Variants in SYNPO2 observed in about 807,000 individuals in gnomAD.
SYNPO2 encodes synaptopodin-2.
SYNPO2 carries 56 observed loss-of-function variants against 85.0 expected under a neutral mutation model. The ratio of observed to expected loss-of-function variants is 0.66; its 90% CI spans 0.53 to 0.82. The LOEUF (loss-of-function observed/expected upper bound fraction) is 0.82, where lower values mean the gene tolerates loss of function less well. SYNPO2 is among the 40% of genes least tolerant of loss of function. The pLI is 0.00. For synonymous variants in SYNPO2, 602 were observed against 591.1 expected (o/e 1.02, Z -0.27); for missense variants, 1,575 against 1,534.2 (o/e 1.03, Z -0.44).
intron 1 of SYNPO2, among the ~76,000 whole-genome samples, chr4:118,892,298 TAA>T (rs1288672803): frequency 2.0e-5 from 3 of 152,174 alleles, no homozygotes; most frequent in Non-Finnish European, 4.4e-5. Context: ...ATCAGTAACA[TAA>T]GCTTGTTTTT....
intron 1 of SYNPO2, among the ~76,000 whole-genome samples, chr4:118,878,886 T>C (rs1259986523): frequency 1.3e-5 from 2 of 152,226 alleles, no homozygotes; most frequent in Non-Finnish European, 2.9e-5. Flanking sequence ...GTCTTGTGGA[T>C]GTTTTGTTCT....
At chr4:118,977,651 TCTC>T (rs1288311576) in intron 1 of SYNPO2, among the ~76,000 whole-genome samples, 2 of 152,156 alleles carry the variant, frequency 1.3e-5, no homozygotes, top group Non-Finnish European at 2.9e-5. Context: ...ATCCAGCCAT[TCTC>T]CTGATGGCAG....
chr4:118,891,160 C>A (rs1732367413), intron 1 of SYNPO2, among the ~76,000 whole-genome samples: 2 of 152,100 alleles, frequency 1.3e-5, no homozygotes, highest in South Asian at 4.1e-4. Context: ...CCTACACTCC[C>A]CCTAAATCAT....
intron 1 of SYNPO2, among the ~76,000 whole-genome samples, chr4:118,996,176 C>G (rs185979531): frequency 6.6e-6 from 1 of 152,274 alleles, no homozygotes; most frequent in Admixed American, 6.5e-5. Context: ...TGCTTTGGTT[C>G]CCAGGTCATT....
chr4:118,881,005 A>G (rs1310422491), intron 1 of SYNPO2, among the ~76,000 whole-genome samples: 1 of 151,754 alleles, frequency 6.6e-6, no homozygotes, highest in African/African-American at 2.4e-5. Flanking sequence ...TGGTGTTCCT[A>G]TACGAAGAGG....
chr4:119,022,373 C>T (rs1003330375), intron 1 of SYNPO2, among the ~76,000 whole-genome samples: 2 of 152,006 alleles, frequency 1.3e-5, no homozygotes, highest in African/African-American at 4.8e-5. Context: ...TGCTCTGTCC[C>T]CCAGGCTGGA....
intron 1 of SYNPO2, among the ~76,000 whole-genome samples, chr4:118,879,814 T>G (rs1451263916): frequency 6.6e-6 from 1 of 151,974 alleles, no homozygotes; most frequent in Non-Finnish European, 1.5e-5. Context: ...GTGACATGCG[T>G]GTGGCTGAAG....
At position 118,901,736 on chromosome 4, in the gene SYNPO2, A is replaced by G. The variant is rs1354808320; in HGVS notation, c.105+12595A>G. Among the ~76,000 whole-genome samples the G allele has an allele frequency of 3.3e-5, 5 of 152,144 alleles. No individual in the cohort carries two copies. In the East Asian group the frequency reaches 9.6e-4, roughly 29 times the overall value. Reference sequence around the variant, plus strand: ...CTGAAAGAGAATGAATTGACGAGAAACCCTCCACCCTGCTGGGAGGTGGGT... The same window carrying G: ...CTGAAAGAGAATGAATTGACGAGAAGCCCTCCACCCTGCTGGGAGGTGGGT... On this transcript the variant is annotated intron_variant, in intron 1 of 4. Coordinates refer to ENST00000307142, the MANE Select transcript of SYNPO2 (RefSeq NM_133477.3).
intron 1 of SYNPO2, among the ~76,000 whole-genome samples, chr4:118,926,914 T>C (rs1253452719): frequency 6.6e-6 from 1 of 152,120 alleles, no homozygotes; most frequent in African/African-American, 2.4e-5. Context: ...TGAGAATGCT[T>C]CTACTCTATG....
At chr4:118,924,040 A>G (rs1323961623) in intron 1 of SYNPO2, among the ~76,000 whole-genome samples, 1 of 152,168 alleles carries the variant, frequency 6.6e-6, no homozygotes, top group African/African-American at 2.4e-5. Flanking sequence ...TATGTAGTTG[A>G]CGGGAGCTGT....
At chr4:118,945,749 T>C (rs79810506) in intron 1 of SYNPO2, among the ~76,000 whole-genome samples, 15,308 of 152,044 alleles carry the variant, frequency 0.1, 867 homozygotes, top group East Asian at 0.16. Context: ...ACTTTTTTTA[T>C]TTTTTGTTTT....
At chr4:118,916,538 T>A (rs1307330924) in intron 1 of SYNPO2, among the ~76,000 whole-genome samples, 1 of 143,284 alleles carries the variant, frequency 7.0e-6, no homozygotes, top group Non-Finnish European at 1.6e-5. Context: ...ACTCCAAGTC[T>A]AAGAAATATA....
intron 4 of SYNPO2, among the ~76,000 whole-genome samples, chr4:119,054,462 A>T (rs1473284875): frequency 2.6e-5 from 4 of 152,054 alleles, no homozygotes; most frequent in Admixed American, 6.5e-5. Context: ...GAATTTTACT[A>T]AGCTACGAAA....
At chr4:118,961,377 C>T (rs1735087585) in intron 1 of SYNPO2, among the ~76,000 whole-genome samples, 1 of 152,158 alleles carries the variant, frequency 6.6e-6, no homozygotes. Context: ...TCCAGACACG[C>T]TGGCTTTTAT....
intron 1 of SYNPO2, among the ~76,000 whole-genome samples, chr4:118,939,370 C>T (rs1458812494): frequency 1.3e-5 from 2 of 152,196 alleles, no homozygotes; most frequent in Non-Finnish European, 2.9e-5. Context: ...GAAGTACTTG[C>T]GTGCTGTTCT....
chr4:118,968,735 G>A (rs940565382), intron 1 of SYNPO2, among the ~76,000 whole-genome samples: 3 of 152,110 alleles, frequency 2.0e-5, no homozygotes, highest in Non-Finnish European at 1.5e-5. Context: ...GACTTGCAAT[G>A]GGTAGAGCAA....
At chr4:118,991,897 G>C (rs1473251674) in intron 1 of SYNPO2, among the ~76,000 whole-genome samples, 1 of 152,204 alleles carries the variant, frequency 6.6e-6, no homozygotes, top group Non-Finnish European at 1.5e-5. Flanking sequence ...CTGAGGAAGT[G>C]AAAGTATAGA....
At chr4:118,985,917 G>A (rs943241038) in intron 1 of SYNPO2, among the ~76,000 whole-genome samples, 4 of 152,166 alleles carry the variant, frequency 2.6e-5, no homozygotes, top group African/African-American at 4.8e-5. Flanking sequence ...AGCAGGATAC[G>A]GGGGCCAGCT....
chr4:118,906,046 G>T (rs1466533023), intron 1 of SYNPO2, among the ~76,000 whole-genome samples: 1 of 152,098 alleles, frequency 6.6e-6, no homozygotes, highest in Non-Finnish European at 1.5e-5. Flanking sequence ...ATGCTTTCAA[G>T]ATGAATGATT....
Sources: allele counts gnomAD v4.1 joint callset (sites outside exome capture counted in the v4.1 genomes callset), GRCh38; gene constraint gnomAD v4.1.1; transcripts MANE v1.5; gene names NCBI Gene and HGNC (gene_info 2026-07-23, HGNC 2026-07-21).